Variants in CADM2 observed in about 807,000 individuals in gnomAD.
The protein encoded by CADM2 is cell adhesion molecule 2.
A neutral mutation model predicts 49.8 loss-of-function variants in CADM2; 12 were observed. The ratio of observed to expected loss-of-function variants is 0.24; its 90% CI spans 0.15 to 0.39. CADM2 has a LOEUF of 0.39. Ranked by LOEUF, CADM2 falls within the 10% of genes least tolerant of loss-of-function variation. The pLI is 1.00. For synonymous variants in CADM2, 214 were observed against 175.4 expected, an observed-to-expected ratio of 1.22 and a Z score of -1.74; for missense variants, 378 against 492.3, an observed-to-expected ratio of 0.77 and a Z score of 2.20.
At chr3:85,417,059 A>G (rs1358823483) in intron 1 of CADM2, among the ~76,000 whole-genome samples, 2 of 152,146 alleles carry the variant, frequency 1.3e-5, no homozygotes, top group African/African-American at 2.4e-5. Context: ...CCTAACATGT[A>G]GAAAAATGTT....
intron 8 of CADM2, among the ~76,000 whole-genome samples, chr3:86,057,104 C>T (rs747894648): frequency 2.6e-5 from 4 of 152,014 alleles, no homozygotes; most frequent in Non-Finnish European, 4.4e-5. Flanking sequence ...TATTCTTAAG[C>T]GTTTTTGTCA....
chr3:85,611,827 GA>G (rs1311856595), intron 1 of CADM2, among the ~76,000 whole-genome samples: 1 of 151,704 alleles, frequency 6.6e-6, no homozygotes, highest in African/African-American at 2.4e-5. Context: ...TACTAAATTA[GA>G]GAGCAGAAAG....
At chr3:85,035,522 C>A (rs1277475109) in intron 1 of CADM2, among the ~76,000 whole-genome samples, 1 of 152,112 alleles carries the variant, frequency 6.6e-6, no homozygotes, top group Admixed American at 6.6e-5. Context: ...GAGTTTTCCC[C>A]AAAGTTTTCT....
chr3:85,212,606 CTAAAT>C (rs529712420), intron 1 of CADM2, among the ~76,000 whole-genome samples: 43 of 151,912 alleles, frequency 2.8e-4, no homozygotes, highest in Non-Finnish European at 5.2e-4. Context: ...TCTCACACTT[CTAAAT>C]TTTCTGTTGC....
chr3:85,605,542 G>T (rs906120159), intron 1 of CADM2, among the ~76,000 whole-genome samples: 1 of 152,028 alleles, frequency 6.6e-6, no homozygotes, highest in African/African-American at 2.4e-5. Context: ...GAGCTGCTGG[G>T]TGAAAATTAG....
At chr3:85,937,754 T>C (rs145614065) in intron 7 of CADM2, among the ~76,000 whole-genome samples, 201 of 152,086 alleles carry the variant, frequency 1.3e-3, no homozygotes, top group African/African-American at 4.5e-3. Context: ...ATATTATTTC[T>C]GGAAACTTGT....
chr3:85,979,464 AT>A (rs146375728), intron 8 of CADM2, among the ~76,000 whole-genome samples: 3 of 151,436 alleles, frequency 2.0e-5, no homozygotes, highest in Admixed American at 1.3e-4. Flanking sequence ...GGTACATTTT[AT>A]TTTTTTTAGT....
chr3:85,370,078 T>C (rs1321376803), intron 1 of CADM2, among the ~76,000 whole-genome samples: 2 of 151,706 alleles, frequency 1.3e-5, no homozygotes, highest in East Asian at 3.9e-4. Context: ...CTGAGAATAG[T>C]GGCAAGTGCC....
chr3:85,979,420 A>AT (rs1727204056), intron 8 of CADM2: 5 of 929,418 alleles, frequency 5.4e-6, no homozygotes, highest in Middle Eastern at 2.3e-4. Context: ...ATTGCTATCA[A>AT]TTAGGGTTAT....
chr3:85,339,550 T>C (rs1472953821), intron 1 of CADM2, among the ~76,000 whole-genome samples: 1 of 151,044 alleles, frequency 6.6e-6, no homozygotes, highest in African/African-American at 2.4e-5. Context: ...TCCTTTTTTT[T>C]CTTTCTATTT....
At chr3:85,953,044 C>G (rs1723641709) in intron 7 of CADM2, among the ~76,000 whole-genome samples, 1 of 150,712 alleles carries the variant, frequency 6.6e-6, no homozygotes, top group Non-Finnish European at 1.5e-5. Flanking sequence ...GTACCCCAAA[C>G]TTTTCAATTT....
intron 2 of CADM2, among the ~76,000 whole-genome samples, chr3:85,799,505 CT>C (rs2071856988): frequency 6.6e-6 from 1 of 152,086 alleles, no homozygotes; most frequent in Non-Finnish European, 1.5e-5. Context: ...CGTCAAAGGC[CT>C]TTTCTTTATC....
chr3:85,935,962 G>A (rs1019333290), intron 7 of CADM2, 105 bp downstream of exon 7: 1 of 573,000 alleles, frequency 1.7e-6, no homozygotes, highest in South Asian at 3.3e-5. Context: ...TTTTCTTGGT[G>A]GGCAAAGTGA....
rs557698278 is a variant in CADM2, at chr3:85,242,728, A to C, written c.61+283060A>C. Among the ~76,000 whole-genome samples the C allele has an allele frequency of 1.3e-3, 191 of 151,932 alleles. 1 individual carries two copies. The highest frequency in any genetic ancestry group is 4.2e-3 in the African/African-American group (173 of 41,542). Reference sequence around the variant, plus strand: ...GTTAGAGCTTAAATTAGATAATACAAGATCTCAGGTCTGACAATTCAAATA... The same window carrying C: ...GTTAGAGCTTAAATTAGATAATACACGATCTCAGGTCTGACAATTCAAATA... On this transcript the variant is annotated intron_variant, in intron 1 of 9. Coordinates refer to ENST00000383699, the MANE Select transcript of CADM2 (RefSeq NM_001167675.2).
At chr3:85,943,758 A>G (rs1262758667) in intron 7 of CADM2, among the ~76,000 whole-genome samples, 2 of 151,986 alleles carry the variant, frequency 1.3e-5, no homozygotes, top group African/African-American at 2.4e-5. Context: ...ATCTACAACT[A>G]TCTGATCTTT....
At chr3:85,202,078 G>GAAAAA (rs57243426) in intron 1 of CADM2, among the ~76,000 whole-genome samples, 1 of 79,556 alleles carries the variant, frequency 1.3e-5, no homozygotes, top group Non-Finnish European at 2.4e-5. Context: ...GACTCTGTCT[G>GAAAAA]AAAAAAAAAA....
chr3:86,060,776 G>A (rs1343656976), intron 8 of CADM2, among the ~76,000 whole-genome samples: 4 of 152,080 alleles, frequency 2.6e-5, no homozygotes, highest in Non-Finnish European at 5.9e-5. Flanking sequence ...GAGGTCAGGA[G>A]TTCAAGGCCA....
intron 8 of CADM2, among the ~76,000 whole-genome samples, chr3:85,985,634 G>T (rs116437435): frequency 0.015 from 2,338 of 152,072 alleles, 54 homozygotes; most frequent in African/African-American, 0.053. Context: ...TTTAAATCAT[G>T]TGCATCAGAA....
In CADM2 at chr3:86,010,088, A is replaced by G. The variant is rs574845412; in HGVS notation, c.970+48441A>G. On this transcript the variant is annotated intron_variant, in intron 8 of 9. Transcript: ENST00000383699. The stretch of plus-strand genomic sequence containing the variant: ...ATCATTTAATTTAAAGTAAATAGCA[A>G]TGACGAAATAATATTTCATATTGAT... 1.8e-4 allele frequency among the ~76,000 whole-genome samples: 27 copies of G among 152,086 alleles called. No homozygotes were observed. The South Asian group carries it at 5.2e-3, about 29-fold the overall frequency.
Sources: gnomAD v4.1 joint callset for allele counts (sites outside exome capture counted in the v4.1 genomes callset) on GRCh38, gnomAD v4.1.1 for gene constraint, MANE v1.5 for transcripts, NCBI Gene and HGNC (gene_info 2026-07-23, HGNC 2026-07-21) for gene names.